The following DOCK4 variants were observed in gnomAD, a reference collection of about 807,000 sequenced individuals.
DOCK4 encodes dedicator of cytokinesis 4, also known as dedicator of cytokinesis protein 4.
A neutral mutation model predicts 268.1 loss-of-function variants in DOCK4; 97 were observed. That is an observed-to-expected ratio of 0.36 (90% confidence interval 0.31 to 0.43). DOCK4 has a LOEUF of 0.43. Among genes scored for constraint, DOCK4 ranks in the 20% least tolerant of loss-of-function variants. DOCK4 has a pLI of 1.00. For missense variants in DOCK4, 2,145 were observed against 2,455.7 expected, an observed-to-expected ratio of 0.87 and a Z score of 2.67; for synonymous variants, 954 against 887.2, an observed-to-expected ratio of 1.08 and a Z score of -1.34.
chr7:112,067,234 C>A (rs1275751302), intron 1 of DOCK4, among the ~76,000 whole-genome samples: 1 of 143,862 alleles, frequency 7.0e-6, no homozygotes, highest in Non-Finnish European at 1.5e-5. Flanking sequence ...AAAAAAAACA[C>A]CTTTACTTAA....
chr7:111,840,491 T>C (rs184782459), intron 25 of DOCK4, among the ~76,000 whole-genome samples: 2 of 152,252 alleles, frequency 1.3e-5, no homozygotes, highest in Non-Finnish European at 2.9e-5. Flanking sequence ...TACCTATAAT[T>C]AGACTTTTGA....
At chr7:111,842,852 G>A (rs1803803487) in intron 25 of DOCK4, among the ~76,000 whole-genome samples, 1 of 152,170 alleles carries the variant, frequency 6.6e-6, no homozygotes, top group Non-Finnish European at 1.5e-5. Flanking sequence ...AGCTGTCAAA[G>A]GAAACCAAGT....
Position 111,732,394 on chromosome 7 carries a change from G to T in DOCK4, c.5420-107C>A, listed in dbSNP as rs144169057. ...CCCAAACAGATGATCCAGTGCATAA[G>T]GACCTTCTAAGCAAAGGGGGTGGTG... On this transcript the variant is annotated intron_variant, in intron 51 of 52. Transcript: ENST00000428084. 11,111 of 1,163,816 alleles carry T rather than the reference G, an allele frequency of 9.5e-3. 75 individuals carry two copies. Among genetic ancestry groups the T allele is most frequent in the Non-Finnish European group, 0.011 (8,599 of 795,500 alleles). 72.1% of individuals were successfully genotyped at this position (1,163,816 alleles called of 1,614,324 possible). A position where few individuals can be genotyped will look rare whatever the true frequency, so the allele number is the denominator to read the frequency against.
chr7:111,780,728 A>T (rs923302279), intron 35 of DOCK4, among the ~76,000 whole-genome samples: 15 of 152,240 alleles, frequency 9.9e-5, no homozygotes, highest in Non-Finnish European at 1.9e-4. Flanking sequence ...TGACTTTTTC[A>T]AAGAGTTAAG....
intron 11 of DOCK4, 74 bp from the exon 12 acceptor site, chr7:111,935,702 C>T: frequency 7.6e-7 from 1 of 1,319,786 alleles, no homozygotes; most frequent in Non-Finnish European, 1.1e-6. Flanking sequence ...AGTACATCTG[C>T]CCTTTTCGTT....
At chr7:112,125,413 C>A (rs1477130996) in intron 1 of DOCK4, among the ~76,000 whole-genome samples, 1 of 152,192 alleles carries the variant, frequency 6.6e-6, no homozygotes, top group Non-Finnish European at 1.5e-5. Context: ...GACCTGTAGA[C>A]AAAGCTCAAT....
At chr7:111,771,979 A>G (rs1164591257) in intron 36 of DOCK4, among the ~76,000 whole-genome samples, 1 of 152,216 alleles carries the variant, frequency 6.6e-6, no homozygotes, top group Admixed American at 6.5e-5. Flanking sequence ...GATCATTTCG[A>G]AGAATTAGGA....
chr7:112,109,861 C>T (rs944124375), intron 1 of DOCK4, among the ~76,000 whole-genome samples: 5 of 150,860 alleles, frequency 3.3e-5, no homozygotes, highest in Admixed American at 2.0e-4. Flanking sequence ...TCTCCTGCCT[C>T]AGCCTCCCAA....
intron 26 of DOCK4, among the ~76,000 whole-genome samples, chr7:111,823,504 G>A (rs1802165728): frequency 6.6e-6 from 1 of 152,056 alleles, no homozygotes. Flanking sequence ...CACCAGGCCT[G>A]GCCGGTATAT....
chr7:111,823,499 G>T (rs1331825755), intron 26 of DOCK4, among the ~76,000 whole-genome samples: 1 of 152,024 alleles, frequency 6.6e-6, no homozygotes, highest in African/African-American at 2.4e-5. Context: ...TGAGCCACCA[G>T]GCCTGGCCGG....
intron 1 of DOCK4, among the ~76,000 whole-genome samples, chr7:112,194,658 C>T (rs900256050): frequency 6.6e-6 from 1 of 152,160 alleles, no homozygotes; most frequent in Non-Finnish European, 1.5e-5. Context: ...GAAGAACTTA[C>T]ATAATGATTT....
At chr7:112,081,773 C>G (rs1231794814) in intron 1 of DOCK4, among the ~76,000 whole-genome samples, 1 of 151,740 alleles carries the variant, frequency 6.6e-6, no homozygotes, top group Non-Finnish European at 1.5e-5. Flanking sequence ...TTGAAGGGGT[C>G]AAAAAGAAAG....
rs142876868 is a variant in DOCK4, at chr7:112,035,112, C to G, written c.38-30981G>C. Among the ~76,000 whole-genome samples the G allele has an allele frequency of 1.6e-3, 238 of 152,164 alleles. 8 individuals carry two copies. In the East Asian group the frequency reaches 0.037, roughly 24 times the overall value. ...AGCTGAGTTCTCCCTACCCTCACAC[C>G]CTTGGATTAAAAGCACTGCATTGAA... On this transcript the variant is annotated intron_variant, in intron 1 of 52. Transcript: ENST00000428084.
At chr7:111,955,520 C>A (rs1014024222) in intron 8 of DOCK4, among the ~76,000 whole-genome samples, 1 of 152,134 alleles carries the variant, frequency 6.6e-6, no homozygotes, top group Non-Finnish European at 1.5e-5. Flanking sequence ...AATTCCATTG[C>A]CAATTTTGAA....
At chr7:112,160,851 C>A (rs1475358651) in intron 1 of DOCK4, among the ~76,000 whole-genome samples, 1 of 152,168 alleles carries the variant, frequency 6.6e-6, no homozygotes, top group East Asian at 1.9e-4. Flanking sequence ...TCAGTTTTTC[C>A]TGAGAATGAA....
At chr7:111,803,827 G>A (rs1586033860) in intron 30 of DOCK4, among the ~76,000 whole-genome samples, 1 of 152,146 alleles carries the variant, frequency 6.6e-6, no homozygotes, top group Non-Finnish European at 1.5e-5. Context: ...TTTAAGAAAA[G>A]GTGTTTACTT....
intron 1 of DOCK4, among the ~76,000 whole-genome samples, chr7:112,187,330 A>G (rs138745092): frequency 9.2e-4 from 140 of 152,340 alleles, no homozygotes; most frequent in Admixed American, 1.6e-3. Flanking sequence ...TGAAGTCCTT[A>G]TGCCCAAAAA....
At chr7:112,174,939 CTTTTTT>C (rs368676870) in intron 1 of DOCK4, among the ~76,000 whole-genome samples, 11 of 131,284 alleles carry the variant, frequency 8.4e-5, no homozygotes, top group Non-Finnish European at 9.6e-5. Flanking sequence ...TCCCCTGGAA[CTTTTTT>C]TTTTTTTTTT....
At chr7:112,042,952 C>T (rs912684609) in intron 1 of DOCK4, among the ~76,000 whole-genome samples, 3 of 152,106 alleles carry the variant, frequency 2.0e-5, no homozygotes, top group Admixed American at 1.3e-4. Flanking sequence ...TCTTTTGCAC[C>T]GCCCCGCCCG....
Sources: allele counts gnomAD v4.1 joint callset (sites outside exome capture counted in the v4.1 genomes callset), GRCh38; gene constraint gnomAD v4.1.1; transcripts MANE v1.5; gene names NCBI Gene and HGNC (gene_info 2026-07-23, HGNC 2026-07-21).